DUOX1: variants seen among roughly 807,000 people sequenced by gnomAD.
DUOX1 encodes the protein NADPH thyroid oxidase 1.
DUOX1 carries 134 observed loss-of-function variants against 181.8 expected under a neutral mutation model. The ratio of observed to expected loss-of-function variants is 0.74; its 90% CI spans 0.64 to 0.85. The LOEUF is 0.85. Among genes scored for constraint, DUOX1 ranks in the 40% least tolerant of loss-of-function variants. DUOX1 has a pLI of 0.00. For synonymous variants in DUOX1, 798 were observed against 832.5 expected, an observed-to-expected ratio of 0.96 and a Z score of 0.71; for missense variants, 1,814 against 2,064.4, an observed-to-expected ratio of 0.88 and a Z score of 2.35.
At position 45,155,725 on chromosome 15, in the gene DUOX1, G is replaced by A. The variant is rs1365914141; in HGVS notation, c.3575-77G>A. The A allele has an allele frequency of 1.9e-6, 3 of 1,600,074 alleles. No homozygotes were observed. The Admixed American group carries it at 5.0e-5, about 27-fold the overall frequency. On this transcript the variant is annotated intron_variant, in intron 27 of 33. Coordinates refer to ENST00000389037, the MANE Select transcript of DUOX1 (RefSeq NM_175940.3). ...TCCAACTTGGGCAGTGGAGTGGAGA[G>A]GGGACCTTGGAAGCTCCAGAACAGT...
rs376478271 is a variant in DUOX1 at position 45,161,830 on chromosome 15, G to A, written c.3949G>A (p.Glu1317Lys). ...CGCTTGCCTGGCTCTGGGGACCACC[G>A]AGTACCACCCCTTCACACTGACCTC... The part of the protein sequence containing the change: ...RIACLALGTT[E>K]YHPFTLTSAP... Residue 1317 changes from glutamate to lysine, a missense_variant, in exon 30 of 34, where the codon GAG becomes AAG. Around this residue, in one of 5 missense-constraint regions of DUOX1, gnomAD observed 279 missense variants for 381.9 expected, o/e 0.73. Coordinates refer to ENST00000389037, the MANE Select transcript of DUOX1 (RefSeq NM_175940.3). 46 of 1,613,844 alleles carry A rather than the reference G, an allele frequency of 2.9e-5. No homozygotes were observed. The highest frequency in any genetic ancestry group is 4.5e-5 in the East Asian group (2 of 44,880).
rs1897131967 is a variant in DUOX1, at chr15:45,162,381, A to C, written c.4248+4A>C. On this transcript the variant is annotated splice_donor_region_variant and intron_variant, in intron 31 of 33. Coordinates refer to ENST00000389037, the MANE Select transcript of DUOX1 (RefSeq NM_175940.3). The stretch of plus-strand genomic sequence containing the variant: ...CTGCCAAGTGTTCTGTAAGAAGGTG[A>C]GTACTGCCCCCACTTCCCACCAACC... 1 of 1,612,262 alleles carries C rather than the reference A, an allele frequency of 6.2e-7. No homozygotes were observed. The highest frequency in any genetic ancestry group is 2.2e-5 in the East Asian group (1 of 44,866).
rs1008982540 is a variant in DUOX1 at position 45,135,112 on chromosome 15, G to T, written c.316G>T (p.Val106Leu). ...TCCTGCACTGCCCGCAGGCTATCAC[G>T]TGCTTTCAGACCTGGTGAGCGTGGA... The part of the protein sequence containing the change: ...TVLGVFFGYH[V>L]LSDLVSVETP... The change falls in exon 5 of 34, where the codon GTG becomes TTG. Residue 106 changes from valine (V) to leucine (L), a missense_variant. This residue lies in a region of DUOX1 where 320 missense variants were observed against 313.1 expected (regional missense o/e 1.02). Coordinates refer to ENST00000389037, the MANE Select transcript of DUOX1 (RefSeq NM_175940.3). 8 of 1,613,492 alleles carry T rather than the reference G, an allele frequency of 5.0e-6. No individual in the cohort carries two copies. The Admixed American group carries it at 5.0e-5, about 10-fold the overall frequency.
intron 27 of DUOX1, 57 bp downstream of exon 27, chr15:45,154,057 G>A: frequency 1.3e-6 from 2 of 1,559,914 alleles, no homozygotes; most frequent in South Asian, 2.2e-5. Context: ...TCAAGGCTCT[G>A]GGTTCTCTGC....
rs755599675 is a variant in DUOX1, at chr15:45,150,671, G to A, written c.2858G>A (p.Arg953Gln). Residue 953 changes from arginine to glutamine, a missense_variant, in exon 22 of 34, where the codon CGA becomes CAA. By Grantham distance (43) the Arg-to-Gln change is conservative. Around this residue, in one of 5 missense-constraint regions of DUOX1, gnomAD observed 1,064 missense variants for 1,152.9 expected, o/e 0.92. Transcript: ENST00000389037. ...VPEVIKDLCR[R>Q]ASYISQDMIC... ...GAAGTCATCAAGGACCTCTGCCGGC[G>A]AGCCTCCTACATCAGCCAGGATATG... 14 of 1,613,930 alleles carry A rather than the reference G, an allele frequency of 8.7e-6. No individual in the cohort carries two copies. The highest frequency in any genetic ancestry group is 2.2e-5 in the East Asian group (1 of 44,904).
At chr15:45,138,060 G>A (rs1567009877) in intron 10 of DUOX1, 46 bp downstream of exon 10, 4 of 1,389,930 alleles carry the variant, frequency 2.9e-6, no homozygotes, top group East Asian at 2.4e-5. Flanking sequence ...GTGTGTGCAT[G>A]CTTATGTGTG....
chr15:45,163,680 C>G lies in DUOX1; in HGVS notation c.4397C>G (p.Thr1466Ser). The change falls in exon 32 of 34, where the codon ACT (threonine) becomes AGT (serine). Residue 1466 changes from threonine (T) to serine (S), a missense_variant. Physicochemically the swap from Thr to Ser is moderately conservative, Grantham distance 58 (BLOSUM62 1). Coordinates refer to ENST00000389037, the MANE Select transcript of DUOX1 (RefSeq NM_175940.3). ...QLAEKFDLRTTMLYICERHFQ... is the reference protein window; with the variant it reads ...QLAEKFDLRTSMLYICERHFQ... The stretch of plus-strand genomic sequence containing the variant: ...GCTGAGAAGTTCGACCTCAGGACCA[C>G]TATGCTGGTATGTCAGGGCCCACCA... 1 of 1,614,142 alleles carries G rather than the reference C, an allele frequency of 6.2e-7. No individual in the cohort carries two copies. Among genetic ancestry groups the G allele is most frequent in the Non-Finnish European group, 8.5e-7 (1 of 1,180,024 alleles).
In DUOX1 at chr15:45,163,666, C is replaced by T. The variant is rs755884367; in HGVS notation, c.4383C>T (p.Phe1461=). 106 of 1,613,998 alleles carry T rather than the reference C, an allele frequency of 6.6e-5. No homozygotes were observed. The highest frequency in any genetic ancestry group is 8.0e-5 in the Non-Finnish European group (94 of 1,180,020). Residue 1461 remains phenylalanine (F), a synonymous_variant, in exon 32 of 34, where the codon TTC becomes TTT. Coordinates refer to ENST00000389037, the MANE Select transcript of DUOX1 (RefSeq NM_175940.3). ...ACATCACCCAGCTGGCTGAGAAGTT[C>T]GACCTCAGGACCACTATGCTGGTAT... ...HIYITQLAEK[F]DLRTTMLYIC...
intron 7 of DUOX1, 49 bp downstream of exon 7, chr15:45,135,997 C>T (rs1228966034): frequency 2.0e-5 from 15 of 738,468 alleles, no homozygotes; most frequent in Non-Finnish European, 2.9e-5. Flanking sequence ...TGCAAGCCCA[C>T]GGGAGACTCC....
intron 22 of DUOX1, among the ~76,000 whole-genome samples, chr15:45,150,905 G>A (rs1015347120): frequency 6.6e-5 from 10 of 152,198 alleles, no homozygotes; most frequent in Admixed American, 5.2e-4. Flanking sequence ...TTACGGCCTG[G>A]CCCAGATGCC....
At chr15:45,154,906 C>T (rs1896931324) in intron 27 of DUOX1, among the ~76,000 whole-genome samples, 1 of 152,208 alleles carries the variant, frequency 6.6e-6, no homozygotes, top group South Asian at 2.1e-4. Context: ...GGAGGGGCCT[C>T]CCACCAACTC....
intron 32 of DUOX1, 26 bp downstream of exon 32, chr15:45,163,713 A>G: frequency 1.2e-6 from 2 of 1,613,964 alleles, no homozygotes; most frequent in Non-Finnish European, 1.7e-6. Context: ...CCAGGAGGGT[A>G]TGCGGGCCAC....
Position 45,144,900 on chromosome 15 carries a change from G to A in DUOX1, c.2142G>A (p.Leu714=). 1 of 1,609,472 alleles carries A rather than the reference G, an allele frequency of 6.2e-7. No homozygotes were observed. The highest frequency in any genetic ancestry group is 2.2e-5 in the East Asian group (1 of 44,850). ...LKIPKEYDLV[L]LFNLEEERQA... ...TGCTCGGGCTGCCCCCTTAGGTGCTGCTGTTTAACTTGGAGGAAGAGCGGC... is the reference window on the plus strand; with the variant it reads ...TGCTCGGGCTGCCCCCTTAGGTGCTACTGTTTAACTTGGAGGAAGAGCGGC... The change falls in exon 18 of 34, where the codon CTG becomes CTA. Residue 714 remains leucine, a synonymous_variant. Coordinates refer to ENST00000389037, the MANE Select transcript of DUOX1 (RefSeq NM_175940.3).
intron 3 of DUOX1, 70 bp from the exon 4 acceptor site, chr15:45,134,075 A>G: frequency 1.3e-6 from 2 of 1,546,820 alleles, no homozygotes; most frequent in Non-Finnish European, 1.7e-6. Flanking sequence ...ACATGGAGGA[A>G]AGCCTGGGAG....
In DUOX1 at chr15:45,162,390, C is replaced by T. The variant is rs747844874; in HGVS notation, c.4248+13C>T. On this transcript the variant is annotated intron_variant, in intron 31 of 33. Coordinates refer to ENST00000389037, the MANE Select transcript of DUOX1 (RefSeq NM_175940.3). ...GTTCTGTAAGAAGGTGAGTACTGCC[C>T]CCACTTCCCACCAACCCATGGCCCC... 6.2e-7 allele frequency: 1 copy of T among 1,610,058 alleles called. No homozygotes were observed. The highest frequency in any genetic ancestry group is 1.3e-5 in the African/African-American group (1 of 74,946).
chr15:45,152,555 C>G, intron 25 of DUOX1, 39 bp downstream of exon 25: 1 of 1,570,940 alleles, frequency 6.4e-7, no homozygotes, highest in South Asian at 1.1e-5. Flanking sequence ...TCCAGGGCCT[C>G]CCGCCCCCGC....
chr15:45,148,758 G>A (rs1365087046), intron 21 of DUOX1, among the ~76,000 whole-genome samples: 1 of 151,996 alleles, frequency 6.6e-6, no homozygotes, highest in Non-Finnish European at 1.5e-5. Context: ...GTCAGGATAG[G>A]GTAGGAAATG....
intron 10 of DUOX1, 95 bp downstream of exon 10, chr15:45,138,109 T>TGA: frequency 3.0e-5 from 28 of 931,660 alleles, no homozygotes; most frequent in South Asian, 5.2e-5. Context: ...TGTGTGTGAG[T>TGA]GCATGGTGAA....
intron 33 of DUOX1, among the ~76,000 whole-genome samples, chr15:45,164,448 A>G (rs1324148362): frequency 6.6e-6 from 1 of 151,118 alleles, no homozygotes; most frequent in African/African-American, 2.4e-5. Context: ...AAAGCAAACC[A>G]TCAGGAGCAC....
Sources: allele counts gnomAD v4.1 joint callset (sites outside exome capture counted in the v4.1 genomes callset), GRCh38; gene constraint gnomAD v4.1.1; regional missense constraint gnomAD v4.1.1; transcripts MANE v1.5; gene names NCBI Gene and HGNC (gene_info 2026-07-23, HGNC 2026-07-21).